Variants in MOXD1 observed in about 807,000 individuals in gnomAD.
MOXD1 encodes the protein DBH-like monooxygenase protein 1.
Under a neutral mutation model 66.6 loss-of-function variants are expected in MOXD1, and 62 were observed. The ratio of observed to expected loss-of-function variants is 0.93; its 90% CI spans 0.76 to 1.15. The LOEUF is 1.15. MOXD1 is among the 50% of genes most tolerant of loss of function. MOXD1 has a pLI of 0.00. For synonymous variants in MOXD1, 303 were observed against 281.9 expected (o/e 1.07, Z -0.75); for missense variants, 847 against 754.6 (o/e 1.12, Z -1.44).
At chr6:132,360,842 A>C (rs1776004944) in intron 4 of MOXD1, among the ~76,000 whole-genome samples, 1 of 152,250 alleles carries the variant, frequency 6.6e-6, no homozygotes, top group Non-Finnish European at 1.5e-5. Flanking sequence ...TGTAGTGTGA[A>C]GGAATGTTTC....
chr6:132,303,835 GTATATATATATATATATATATA>G (rs1158339059), intron 10 of MOXD1, among the ~76,000 whole-genome samples: 95 of 47,560 alleles, frequency 2.0e-3, no homozygotes, highest in African/African-American at 2.9e-3. Flanking sequence ...GTGTGTGTGT[GTATATATATATATATATATATA>G]TATATATATA....
At chr6:132,310,079 G>A (rs1774792238) in intron 10 of MOXD1, among the ~76,000 whole-genome samples, 2 of 152,134 alleles carry the variant, frequency 1.3e-5, no homozygotes, top group Non-Finnish European at 2.9e-5. Flanking sequence ...TACAGAATGG[G>A]AGAAAATTTT....
At chr6:132,395,945 G>T (rs554755973) in intron 1 of MOXD1, among the ~76,000 whole-genome samples, 85 of 152,176 alleles carry the variant, frequency 5.6e-4, no homozygotes, top group African/African-American at 2.0e-3. Flanking sequence ...ACAGTAATAG[G>T]AACGTTAATA....
At chr6:132,334,762 G>A (rs1193933447) in intron 4 of MOXD1, among the ~76,000 whole-genome samples, 2 of 152,162 alleles carry the variant, frequency 1.3e-5, no homozygotes, top group Non-Finnish European at 2.9e-5. Flanking sequence ...CAGAGCTGGG[G>A]GGATAGAATT....
At chr6:132,300,040 C>T (rs1448295780) in intron 10 of MOXD1, among the ~76,000 whole-genome samples, 3 of 151,888 alleles carry the variant, frequency 2.0e-5, no homozygotes, top group African/African-American at 7.3e-5. Flanking sequence ...TCTTCCATAT[C>T]TAATAAGTGA....
chr6:132,327,905 A>G, intron 6 of MOXD1, 108 bp downstream of exon 6: 1 of 797,996 alleles, frequency 1.3e-6, no homozygotes. Context: ...TATATAGGTT[A>G]ATTCCTTCTA....
chr6:132,325,570 C>A (rs531049056), intron 6 of MOXD1, among the ~76,000 whole-genome samples: 2 of 152,314 alleles, frequency 1.3e-5, no homozygotes, highest in South Asian at 4.1e-4. Flanking sequence ...GATGCCAGTA[C>A]CTTGTACTTG....
At chr6:132,369,307 C>T in intron 4 of MOXD1, among the ~76,000 whole-genome samples, 1 of 152,026 alleles carries the variant, frequency 6.6e-6, no homozygotes, top group Non-Finnish European at 1.5e-5. Context: ...TGTCTTCTAC[C>T]CACAGATTTA....
intron 1 of MOXD1, among the ~76,000 whole-genome samples, chr6:132,394,539 C>T (rs1487266452): frequency 6.6e-6 from 1 of 151,990 alleles, no homozygotes; most frequent in Non-Finnish European, 1.5e-5. Context: ...TAAGACACAA[C>T]AGAATACTGA....
In MOXD1 at chr6:132,303,704, TACATAC is replaced by T. The variant is rs1404928379; in HGVS notation, c.1509-5755_1509-5750del. ...CTGGGAAAGCAGAGGGCTGACTGTA[TACATAC>T]ACACACACACACACACACACACACA... On this transcript the variant is annotated intron_variant, in intron 10 of 11. Coordinates refer to ENST00000367963, the MANE Select transcript of MOXD1 (RefSeq NM_015529.4). Among the ~76,000 whole-genome samples, 410 of 134,760 alleles carry T rather than the reference TACATAC, an allele frequency of 3.0e-3. 6 individuals are homozygous for T. Among genetic ancestry groups the T allele is most frequent in the African/African-American group, 0.012 (391 of 33,172 alleles). The allele number at this position is 134,760 out of a possible 152,430, so 88.4% of individuals were successfully genotyped here.
At chr6:132,368,738 T>C (rs964482209) in intron 4 of MOXD1, among the ~76,000 whole-genome samples, 3 of 152,132 alleles carry the variant, frequency 2.0e-5, no homozygotes, top group African/African-American at 7.2e-5. Flanking sequence ...ACTGATATAT[T>C]TTCTTTGCTT....
intron 1 of MOXD1, among the ~76,000 whole-genome samples, chr6:132,382,033 T>C (rs1342491096): frequency 6.6e-6 from 1 of 152,116 alleles, no homozygotes; most frequent in Non-Finnish European, 1.5e-5. Context: ...TATTCCAGGA[T>C]TTGAAAAATA....
At position 132,392,707 on chromosome 6, in the gene MOXD1, T is replaced by C. The variant is rs772938854; in HGVS notation, c.264+8456A>G. Reference sequence around the variant, plus strand: ...ACCTCGGCAGCATTCAAGGGAAATGTTTCCACAAGCATGAGCTGCTCCAGA... The same window carrying C: ...ACCTCGGCAGCATTCAAGGGAAATGCTTCCACAAGCATGAGCTGCTCCAGA... On this transcript the variant is annotated intron_variant, in intron 1 of 11. Coordinates refer to ENST00000367963, the MANE Select transcript of MOXD1 (RefSeq NM_015529.4). Among the ~76,000 whole-genome samples, 103 of 152,346 alleles carry C rather than the reference T, an allele frequency of 6.8e-4. 1 individual carries two copies. Among genetic ancestry groups the C allele is most frequent in the South Asian group, 6.2e-4 (3 of 4,832 alleles).
chr6:132,396,954 G>A (rs967787085), intron 1 of MOXD1, among the ~76,000 whole-genome samples: 5 of 152,166 alleles, frequency 3.3e-5, no homozygotes, highest in African/African-American at 4.8e-5. Flanking sequence ...GTCTTCTTAC[G>A]TGATGTTCAG....
chr6:132,305,349 G>A (rs1380872944), intron 10 of MOXD1, among the ~76,000 whole-genome samples: 1 of 152,232 alleles, frequency 6.6e-6, no homozygotes, highest in East Asian at 1.9e-4. Flanking sequence ...AGAGGCTCAG[G>A]GACAGAAGCT....
chr6:132,363,220 AAC>A (rs1472843846), intron 4 of MOXD1, among the ~76,000 whole-genome samples: 13 of 130,660 alleles, frequency 9.9e-5, no homozygotes, highest in Admixed American at 2.8e-4. Context: ...CACAATAAAA[AAC>A]AAAAAAAAAA....
At chr6:132,328,701 T>C in intron 4 of MOXD1, 107 bp from the exon 5 acceptor site, 1 of 1,057,366 alleles carries the variant, frequency 9.5e-7, no homozygotes, top group South Asian at 1.6e-5. Context: ...CTCAAAGGGA[T>C]ATTCTTCTCA....
At chr6:132,308,629 C>T (rs967343527) in intron 10 of MOXD1, among the ~76,000 whole-genome samples, 1 of 152,142 alleles carries the variant, frequency 6.6e-6, no homozygotes, top group East Asian at 1.9e-4. Context: ...CAATAAAATA[C>T]TGGCAAACCA....
chr6:132,368,341 C>A (rs556514724), intron 4 of MOXD1, among the ~76,000 whole-genome samples: 1 of 151,964 alleles, frequency 6.6e-6, no homozygotes, highest in African/African-American at 2.4e-5. Context: ...TCTCGAGTAC[C>A]TGACAAAGAG....
Sources: gnomAD v4.1 joint callset for allele counts (sites outside exome capture counted in the v4.1 genomes callset) on GRCh38, gnomAD v4.1.1 for gene constraint, MANE v1.5 for transcripts, NCBI Gene and HGNC (gene_info 2026-07-23, HGNC 2026-07-21) for gene names.